MBTD1: variants seen among roughly 807,000 people sequenced by gnomAD.
MBTD1 encodes MBT domain-containing protein 1.
Under a neutral mutation model 87.8 loss-of-function variants are expected in MBTD1, and 24 were observed. That is an observed-to-expected ratio of 0.27 (90% CI 0.20 to 0.38). MBTD1 has a LOEUF of 0.38. MBTD1 is among the 10% of genes least tolerant of loss of function. MBTD1 has a pLI of 1.00. For missense variants in MBTD1, 436 were observed against 760.2 expected, an observed-to-expected ratio of 0.57 and a Z score of 5.02; for synonymous variants, 237 against 248.6, an observed-to-expected ratio of 0.95 and a Z score of 0.44.
chr17:51,192,815 T>C lies in MBTD1; in HGVS notation c.1657A>G (p.Thr553Ala). The change falls in exon 15 of 17, where the codon ACT becomes GCT. Residue 553 changes from threonine (T) to alanine (A), a missense_variant. By Grantham distance (58) the Thr-to-Ala change is moderately conservative. This residue lies in a region of MBTD1 where 80 missense variants were observed against 182.2 expected (regional missense o/e 0.44). Coordinates refer to ENST00000586178, the MANE Select transcript of MBTD1 (RefSeq NM_017643.3). ...DLYPVGWCQLTGYQLQPPASQ... is the reference protein window; with the variant it reads ...DLYPVGWCQLAGYQLQPPASQ... ...GCTGGAGGCTGTAGTTGATATCCAG[T>C]TAACTGACACCACCCTACAGGATAG... The C allele has an allele frequency of 1.2e-6, 2 of 1,614,154 alleles. No individual in the cohort carries two copies. The highest frequency in any genetic ancestry group is 1.7e-6 in the Non-Finnish European group (2 of 1,180,016).
In MBTD1 at chr17:51,192,235, G is replaced by A; in HGVS notation, c.1736C>T (p.Ala579Val). 1 of 1,551,316 alleles carries A rather than the reference G, an allele frequency of 6.4e-7. No individual in the cohort carries two copies. Among genetic ancestry groups the A allele is most frequent in the Non-Finnish European group, 8.7e-7 (1 of 1,146,828 alleles). ...QSASSKQKKK[A>V]KSQQYKGHKK... ...ATGTCCTTTGTATTGCTGGGACTTAGCCTTTTTCTTCTGTTTTGATGAAGC... is the reference window on the plus strand; with the variant it reads ...ATGTCCTTTGTATTGCTGGGACTTAACCTTTTTCTTCTGTTTTGATGAAGC... Residue 579 changes from alanine (A) to valine (V), a missense_variant, in exon 16 of 17, where the codon GCT (alanine) becomes GTT (valine). Transcript: ENST00000586178.
intron 6 of MBTD1, among the ~76,000 whole-genome samples, chr17:51,207,362 A>C (rs2051906019): frequency 6.6e-6 from 1 of 152,210 alleles, no homozygotes; most frequent in South Asian, 2.1e-4. Flanking sequence ...ACTTCACCCT[A>C]ATTTCTACTT....
chr17:51,195,355 C>T lies in MBTD1; in HGVS notation c.1231G>A (p.Ala411Thr). 1 of 1,592,932 alleles carries T rather than the reference C, an allele frequency of 6.3e-7. No individual in the cohort carries two copies. The highest frequency in any genetic ancestry group is 1.1e-5 in the South Asian group (1 of 87,320). Residue 411 changes from alanine to threonine, a missense_variant, in exon 13 of 17, where the codon GCT (alanine) becomes ACT (threonine). Ala to Thr is a moderately conservative substitution (Grantham distance 58). Around this residue, in one of 5 missense-constraint regions of MBTD1, gnomAD observed 268 missense variants for 401.8 expected, o/e 0.67. Transcript: ENST00000586178. Reference sequence around the variant, plus strand: ...ATCCCAATCATCAGGAATCCGTCAGCTAGCACCTTTTCAATGAAGAGAATT... The same window carrying T: ...ATCCCAATCATCAGGAATCCGTCAGTTAGCACCTTTTCAATGAAGAGAATT... The part of the protein sequence containing the change: ...ICVATIRKVL[A>T]DGFLMIGIDG...
At chr17:51,223,825 G>C (rs1383063881) in intron 3 of MBTD1, among the ~76,000 whole-genome samples, 1 of 152,172 alleles carries the variant, frequency 6.6e-6, no homozygotes. Context: ...ATCAGAGTGA[G>C]ACTGTCTCAA....
At chr17:51,222,774 G>A (rs2052985958) in intron 3 of MBTD1, among the ~76,000 whole-genome samples, 1 of 151,852 alleles carries the variant, frequency 6.6e-6, no homozygotes. Flanking sequence ...GATATGGTCT[G>A]CATGACTCTC....
intron 3 of MBTD1, among the ~76,000 whole-genome samples, chr17:51,222,517 G>A (rs892633671): frequency 2.6e-5 from 4 of 152,082 alleles, no homozygotes; most frequent in African/African-American, 9.7e-5. Flanking sequence ...CAATTCTCCT[G>A]CCTCAGCCTC....
intron 2 of MBTD1, among the ~76,000 whole-genome samples, chr17:51,225,508 T>G (rs1386296944): frequency 6.7e-6 from 1 of 149,702 alleles, no homozygotes; most frequent in East Asian, 2.0e-4. Flanking sequence ...AGTGCCACCA[T>G]CCCATAAACA....
At chr17:51,252,058 C>A (rs951231072) in intron 2 of MBTD1, among the ~76,000 whole-genome samples, 1 of 152,204 alleles carries the variant, frequency 6.6e-6, no homozygotes, top group Admixed American at 6.5e-5. Context: ...AGCCACTGCA[C>A]CCAACCATGT....
chr17:51,241,748 G>A (rs1172170043), intron 2 of MBTD1, among the ~76,000 whole-genome samples: 1 of 152,000 alleles, frequency 6.6e-6, no homozygotes, highest in African/African-American at 2.4e-5. Flanking sequence ...TTTATTTTTA[G>A]TAGAGACGGG....
chr17:51,259,433 C>T (rs2055314625), intron 1 of MBTD1, among the ~76,000 whole-genome samples: 1 of 152,104 alleles, frequency 6.6e-6, no homozygotes, highest in African/African-American at 2.4e-5. Flanking sequence ...TGCAAAGCAA[C>T]GAAACTGTGC....
chr17:51,248,190 C>G (rs76363930), intron 2 of MBTD1, among the ~76,000 whole-genome samples: 4 of 152,328 alleles, frequency 2.6e-5, no homozygotes, highest in African/African-American at 9.6e-5. Context: ...ATTGGTTCAT[C>G]AACTAGACGT....
chr17:51,225,122 T>C lies in MBTD1; in HGVS notation c.40A>G (p.Ser14Gly). The change falls in exon 3 of 17, where the codon AGC becomes GGC. Residue 14 changes from serine (S) to glycine (G), a missense_variant. This residue lies in a region of MBTD1 where 38 missense variants were observed against 33.8 expected (regional missense o/e 1.12). Transcript: ENST00000586178. ...TCACTCTCTTCGGAGCTGGAGCTGC[T>C]GCTTGTGTCCTCACTGCAGCTATCA... ...GYDSCSEDTS[S>G]SSSSEESEEE... 6.4e-7 allele frequency: 1 copy of C among 1,551,452 alleles called. No homozygotes were observed. Among genetic ancestry groups the C allele is most frequent in the Non-Finnish European group, 8.7e-7 (1 of 1,146,780 alleles).
intron 15 of MBTD1, chr17:51,192,536 T>C (rs2050862364): frequency 4.3e-6 from 3 of 693,132 alleles, no homozygotes; most frequent in South Asian, 4.2e-5. Context: ...AAATAGTAAG[T>C]CTAGTTTAAT....
chr17:51,243,461 A>T (rs190435124), intron 2 of MBTD1, among the ~76,000 whole-genome samples: 175 of 152,366 alleles, frequency 1.1e-3, no homozygotes, highest in African/African-American at 4.0e-3. Context: ...TTTGAAAGTT[A>T]CGTATCACAA....
intron 2 of MBTD1, among the ~76,000 whole-genome samples, chr17:51,248,329 T>C (rs1252830894): frequency 2.6e-5 from 4 of 152,236 alleles, no homozygotes; most frequent in African/African-American, 9.6e-5. Context: ...GGCTATGAAT[T>C]TTCCTCTGCT....
intron 2 of MBTD1, among the ~76,000 whole-genome samples, chr17:51,254,756 T>G (rs1358859010): frequency 6.6e-6 from 1 of 152,220 alleles, no homozygotes; most frequent in Non-Finnish European, 1.5e-5. Flanking sequence ...TTCACATGAA[T>G]AGGCTTTCAG....
chr17:51,228,059 A>T (rs950724752), intron 2 of MBTD1, among the ~76,000 whole-genome samples: 2 of 152,172 alleles, frequency 1.3e-5, no homozygotes, highest in African/African-American at 2.4e-5. Flanking sequence ...TTCAGTTTTT[A>T]AAAAAACATA....
chr17:51,192,143 A>G lies in MBTD1; in HGVS notation c.1768+60T>C. ...GATATATCATTTTCTGTCCAAGAAT[A>G]CTGTGACTCCAATTAGTTAACAATT... On this transcript the variant is annotated intron_variant, in intron 16 of 16. Coordinates refer to ENST00000586178, the MANE Select transcript of MBTD1 (RefSeq NM_017643.3). 4 of 1,144,276 alleles carry G rather than the reference A, an allele frequency of 3.5e-6. 1 individual carries two copies. In the South Asian group the frequency reaches 5.3e-5, roughly 15 times the overall value. The allele number at this position is 1,144,276 out of a possible 1,614,324, so 70.9% of individuals were successfully genotyped here.
intron 12 of MBTD1, among the ~76,000 whole-genome samples, chr17:51,197,770 G>C (rs539527942): frequency 3.3e-5 from 5 of 152,254 alleles, no homozygotes; most frequent in African/African-American, 9.6e-5. Flanking sequence ...GCCTCTCAAA[G>C]TGCTAGGATT....
Sources: allele counts gnomAD v4.1 joint callset (sites outside exome capture counted in the v4.1 genomes callset), GRCh38; gene constraint gnomAD v4.1.1; regional missense constraint gnomAD v4.1.1; transcripts MANE v1.5; gene names NCBI Gene and HGNC (gene_info 2026-07-23, HGNC 2026-07-21).